DNAH17: variants seen among roughly 807,000 people sequenced by gnomAD.
DNAH17 encodes the protein dynein axonemal heavy chain 17.
DNAH17 carries 376 observed loss-of-function variants against 485.6 expected under a neutral mutation model. That is an observed-to-expected ratio of 0.77 (90% CI 0.71 to 0.84). The LOEUF is 0.84. Ranked by LOEUF, DNAH17 falls within the 40% of genes least tolerant of loss-of-function variation. DNAH17 has a pLI of 0.00. For synonymous variants in DNAH17, 3,031 were observed against 2,405.9 expected (o/e 1.26, Z -7.60); for missense variants, 6,370 against 5,839.3 (o/e 1.09, Z -2.96).
At position 78,475,405 on chromosome 17, in the gene DNAH17, C is replaced by A; in HGVS notation, c.8384G>T (p.Gly2795Val). 4 of 1,613,948 alleles carry A rather than the reference C, an allele frequency of 2.5e-6. No individual in the cohort carries two copies. The highest frequency in any genetic ancestry group is 3.4e-6 in the Non-Finnish European group (4 of 1,179,886). ...GCCCACCCCCACCAGCAGGGCATTC[C>A]CCCGGGGAGACTCCAGGATGCGATT... ...RINRILESPRGNALLVGVGGS... is the reference protein window; with the variant it reads ...RINRILESPRVNALLVGVGGS... The change falls in exon 54 of 81, where the codon GGG becomes GTG. Residue 2795 changes from glycine to valine, a missense_variant. Transcript: ENST00000389840.
rs537944307 is a variant in DNAH17 at position 78,566,602 on chromosome 17, C to G, written c.1569+12G>C. ...GGCTCCAGATCTGCCTGCGTCTCCA[C>G]TGCATGCTTACCTTTGCGGAGGACT... On this transcript the variant is annotated intron_variant, in intron 11 of 80. Coordinates refer to ENST00000389840, the MANE Select transcript of DNAH17 (RefSeq NM_173628.4). The G allele has an allele frequency of 1.9e-6, 3 of 1,584,142 alleles. No individual in the cohort carries two copies. The highest frequency in any genetic ancestry group is 2.7e-5 in the African/African-American group (2 of 74,510).
chr17:78,431,456 C>CCCG (rs759734107), intron 75 of DNAH17, among the ~76,000 whole-genome samples: 4 of 151,404 alleles, frequency 2.6e-5, no homozygotes, highest in Non-Finnish European at 5.9e-5. Context: ...GAACCCCCCA[C>CCCG]CCCGAGACTC....
At chr17:78,548,370 A>G (rs2091824263) in intron 16 of DNAH17, among the ~76,000 whole-genome samples, 1 of 151,770 alleles carries the variant, frequency 6.6e-6, no homozygotes, top group Non-Finnish European at 1.5e-5. Flanking sequence ...ACACCTGGCT[A>G]ATTTTTTGTA....
intron 72 of DNAH17, among the ~76,000 whole-genome samples, chr17:78,440,402 G>A (rs558791862): frequency 6.6e-5 from 10 of 151,862 alleles, no homozygotes; most frequent in South Asian, 2.1e-4. Context: ...GACTACAGGC[G>A]TACACCACCA....
In DNAH17 at chr17:78,484,868, C is replaced by A; in HGVS notation, c.7649G>T (p.Trp2550Leu). 6.4e-7 allele frequency: 1 copy of A among 1,556,438 alleles called. No individual in the cohort carries two copies. The highest frequency in any genetic ancestry group is 8.7e-7 in the Non-Finnish European group (1 of 1,150,276). The change falls in exon 48 of 81, where the codon TGG becomes TTG. Residue 2550 changes from tryptophan (W) to leucine (L), a missense_variant and splice_region_variant. Coordinates refer to ENST00000389840, the MANE Select transcript of DNAH17 (RefSeq NM_173628.4). ...LIRQHMDHRHWYDRHKLTLKD... is the reference protein window; with the variant it reads ...LIRQHMDHRHLYDRHKLTLKD... The stretch of plus-strand genomic sequence containing the variant: ...CCCCTCCGGCCCCGCCCCGTCTAAC[C>A]AGTGCCGGTGGTCCATGTGCTGCCG...
intron 19 of DNAH17, among the ~76,000 whole-genome samples, chr17:78,533,435 T>C (rs2091292749): frequency 6.6e-6 from 1 of 152,036 alleles, no homozygotes; most frequent in South Asian, 2.1e-4. Context: ...GCAAAGCACG[T>C]GCAAAGGCCC....
At chr17:78,502,112 A>C (rs1202700746) in intron 33 of DNAH17, 2 of 548,334 alleles carry the variant, frequency 3.6e-6, no homozygotes, top group African/African-American at 3.8e-5. Flanking sequence ...AGGCCACGAG[A>C]GAGGGTGGAT....
chr17:78,501,714 CT>C, intron 34 of DNAH17, 27 bp downstream of exon 34: 1 of 1,607,884 alleles, frequency 6.2e-7, no homozygotes, highest in Non-Finnish European at 8.5e-7. Flanking sequence ...TGCCCTTCCC[CT>C]GGCCCCTGGG....
chr17:78,449,029 G>A (rs2087432656), intron 69 of DNAH17, among the ~76,000 whole-genome samples: 1 of 152,200 alleles, frequency 6.6e-6, no homozygotes, highest in African/African-American at 2.4e-5. Context: ...ATAAACAGGA[G>A]GAATATTTGT....
rs1355632811 is a variant in DNAH17, at chr17:78,532,565, C to G, written c.3031G>C (p.Ala1011Pro). The G allele has an allele frequency of 6.2e-7, 1 of 1,610,092 alleles. No homozygotes were observed. Among genetic ancestry groups the G allele is most frequent in the African/African-American group, 1.3e-5 (1 of 74,860 alleles). Residue 1011 changes from alanine (A) to proline (P), a missense_variant, in exon 20 of 81, where the codon GCA becomes CCA. Transcript: ENST00000389840. ...GTGTCCAAGTCCTCCGCAGTGACTGCACACCCATATATCAGGAAATTCTTC... is the reference window on the plus strand; with the variant it reads ...GTGTCCAAGTCCTCCGCAGTGACTGGACACCCATATATCAGGAAATTCTTC... ...FMKNFLIYGC[A>P]VTAEDLDTWT...
Position 78,501,654 on chromosome 17 carries a change from T to C in DNAH17, c.5322+88A>G. On this transcript the variant is annotated intron_variant, in intron 34 of 80. Transcript: ENST00000389840. Reference sequence around the variant, plus strand: ...GAGTCAGTGCCCCAGGAAGAGGAAGTGGCAGGGTCTGAAGTCCCTGAATGC... The same window carrying C: ...GAGTCAGTGCCCCAGGAAGAGGAAGCGGCAGGGTCTGAAGTCCCTGAATGC... 4 of 1,498,880 alleles carry C rather than the reference T, an allele frequency of 2.7e-6. No homozygotes were observed. The South Asian group carries it at 4.9e-5, about 18-fold the overall frequency. The allele number at this position is 1,498,880 out of a possible 1,614,324, so 92.8% of individuals were successfully genotyped here. A position where few individuals can be genotyped will look rare whatever the true frequency, so the allele number is the denominator to read the frequency against.
intron 72 of DNAH17, 138 bp downstream of exon 72, chr17:78,440,913 C>T: frequency 9.5e-7 from 1 of 1,047,764 alleles, no homozygotes. Flanking sequence ...TGTTCTTGAT[C>T]ATTGCCATCC....
chr17:78,539,061 C>A lies in DNAH17; in HGVS notation c.2676+676G>T, dbSNP rs546593795. The stretch of plus-strand genomic sequence containing the variant: ...GCCTGGCTAAGATGGTGAACCCTTG[C>A]CTCTACTAAAAATACAAAAATTAGC... On this transcript the variant is annotated intron_variant, in intron 18 of 80. Coordinates refer to ENST00000389840, the MANE Select transcript of DNAH17 (RefSeq NM_173628.4). Among the ~76,000 whole-genome samples, 3 of 152,000 alleles carry A rather than the reference C, an allele frequency of 2.0e-5. No individual in the cohort carries two copies. The South Asian group carries it at 6.3e-4, about 32-fold the overall frequency.
At position 78,569,406 on chromosome 17, in the gene DNAH17, A is replaced by G; in HGVS notation, c.1166T>C (p.Phe389Ser). 6.2e-7 allele frequency: 1 copy of G among 1,613,156 alleles called. No individual in the cohort carries two copies. The highest frequency in any genetic ancestry group is 8.5e-7 in the Non-Finnish European group (1 of 1,179,516). The change falls in exon 8 of 81, where the codon TTC becomes TCC. Residue 389 changes from phenylalanine to serine, a missense_variant. Phe to Ser is a radical substitution (Grantham distance 155, BLOSUM62 -2). Transcript: ENST00000389840. ...GAAAAGCTTCATGTTCACGCAGCAG[A>G]AGTCGTACGTCTGGTAGAGCTCCTT... ...VLKELYQTYD[F>S]CCVNMKLFFK...
chr17:78,428,858 C>T (rs2086573408), intron 76 of DNAH17, among the ~76,000 whole-genome samples, 151 bp from the exon 77 acceptor site: 1 of 151,366 alleles, frequency 6.6e-6, no homozygotes, highest in South Asian at 2.1e-4. Context: ...GTGGGCTGCC[C>T]CCTGTGCTCC....
chr17:78,528,204 C>T (rs1358756013), intron 22 of DNAH17, among the ~76,000 whole-genome samples: 1 of 152,166 alleles, frequency 6.6e-6, no homozygotes, highest in African/African-American at 2.4e-5. Context: ...ACCCCAGTTG[C>T]CTCGTGTGTG....
chr17:78,465,704 G>A (rs560371400), intron 56 of DNAH17, among the ~76,000 whole-genome samples: 9 of 149,364 alleles, frequency 6.0e-5, no homozygotes, highest in East Asian at 2.0e-4. Flanking sequence ...CAACCGCCCC[G>A]TCTGAGAAGT....
intron 52 of DNAH17, 114 bp from the exon 53 acceptor site, chr17:78,475,947 C>T (rs2088996704): frequency 1.6e-6 from 2 of 1,225,072 alleles, no homozygotes; most frequent in Non-Finnish European, 2.2e-6. Context: ...CCACGGGGTC[C>T]CAGGCCAAGT....
At chr17:78,576,698 G>A (rs375717718) in intron 1 of DNAH17, among the ~76,000 whole-genome samples, 4 of 152,192 alleles carry the variant, frequency 2.6e-5, no homozygotes, top group African/African-American at 9.7e-5. Context: ...CGACTGGACT[G>A]GAGGGAAACA....
Sources: gnomAD v4.1 joint callset for allele counts (sites outside exome capture counted in the v4.1 genomes callset) on GRCh38, gnomAD v4.1.1 for gene constraint, MANE v1.5 for transcripts, NCBI Gene and HGNC (gene_info 2026-07-23, HGNC 2026-07-21) for gene names.